Variants in ALCAM observed in about 807,000 individuals in gnomAD.
ALCAM encodes the protein CD166 antigen.
ALCAM carries 30 observed loss-of-function variants against 70.9 expected under a neutral mutation model. The observed-to-expected ratio is 0.42, with a 90% CI of 0.32 to 0.57. The LOEUF (loss-of-function observed/expected upper bound fraction) is 0.57. Ranked by LOEUF, ALCAM falls within the 20% of genes least tolerant of loss-of-function variation. ALCAM has a pLI of 0.11. For missense variants in ALCAM, 591 were observed against 695.1 expected (o/e 0.85, Z 1.68); for synonymous variants, 249 against 242.5 (o/e 1.03, Z -0.25).
rs557228854 is a variant in ALCAM, at chr3:105,416,223, G to T, written c.73+48742G>T. Among the ~76,000 whole-genome samples the T allele has an allele frequency of 2.0e-5, 3 of 152,138 alleles. No homozygotes were observed. In the South Asian group the frequency reaches 6.2e-4, roughly 32 times the overall value. On this transcript the variant is annotated intron_variant, in intron 1 of 15. Transcript: ENST00000306107. ...TTGAAGGATACTTAGTCATTAGGAT[G>T]TCTCTGTAAGACTTTATACCCTTAA... is the stretch of plus-strand genomic sequence containing the variant.
rs867377230 is a variant in ALCAM at position 105,521,117 on chromosome 3, A to C, written c.174+950A>C. 2.6e-4 allele frequency among the ~76,000 whole-genome samples: 40 copies of C among 151,178 alleles called. 1 individual carries two copies. In the Middle Eastern group the frequency reaches 0.014, roughly 51 times the overall value. On this transcript the variant is annotated intron_variant, in intron 2 of 15. Coordinates refer to ENST00000306107, the MANE Select transcript of ALCAM (RefSeq NM_001627.4). Reference sequence around the variant, plus strand: ...GAGATCGAGACCATCCTGGCTAACAAGGTGAAACCCCGTCTCTACTAAAAA... The same window carrying C: ...GAGATCGAGACCATCCTGGCTAACACGGTGAAACCCCGTCTCTACTAAAAA...
intron 1 of ALCAM, among the ~76,000 whole-genome samples, chr3:105,467,728 T>C (rs933181275): frequency 2.0e-5 from 3 of 151,270 alleles, no homozygotes; most frequent in African/African-American, 7.3e-5. Context: ...TAATTTCTGA[T>C]GATTTTCAAA....
intron 1 of ALCAM, among the ~76,000 whole-genome samples, chr3:105,511,559 G>T (rs1310987851): frequency 1.3e-5 from 2 of 151,888 alleles, no homozygotes; most frequent in African/African-American, 4.8e-5. Flanking sequence ...CCCCTCCAGG[G>T]AGCTGTCAAT....
chr3:105,495,075 C>T (rs1425372571), intron 1 of ALCAM, among the ~76,000 whole-genome samples: 1 of 152,176 alleles, frequency 6.6e-6, no homozygotes, highest in African/African-American at 2.4e-5. Flanking sequence ...TCTCTTTGCT[C>T]ATACAGACTG....
chr3:105,451,975 T>C (rs12494392), intron 1 of ALCAM, among the ~76,000 whole-genome samples: 104,741 of 152,016 alleles, frequency 0.69, 36,399 homozygotes, highest in East Asian at 0.92. Context: ...GGGTCTGCAC[T>C]GCAAGTTGTA....
chr3:105,511,814 T>C (rs563462361), intron 1 of ALCAM, among the ~76,000 whole-genome samples: 1 of 151,996 alleles, frequency 6.6e-6, no homozygotes, highest in South Asian at 2.1e-4. Context: ...ATGTGGAATA[T>C]ACCAGAAGCT....
At chr3:105,417,729 CT>C (rs1168981555) in intron 1 of ALCAM, among the ~76,000 whole-genome samples, 1 of 129,074 alleles carries the variant, frequency 7.7e-6, no homozygotes, top group Non-Finnish European at 1.9e-5. Flanking sequence ...TTTACTTCCT[CT>C]TTTTTTTCAT....
At chr3:105,522,838 T>C (rs2152623712) in intron 2 of ALCAM, among the ~76,000 whole-genome samples, 1 of 152,244 alleles carries the variant, frequency 6.6e-6, no homozygotes, top group Non-Finnish European at 1.5e-5. Flanking sequence ...AACCAATTAC[T>C]GCATAGAAAG....
Position 105,507,261 on chromosome 3 carries a change from G to A in ALCAM, c.74-12806G>A, listed in dbSNP as rs553962826. ...GTACATTTGTTGCAATTGGTGAGCC[G>A]ATGTTGATACATTATTATTGACTAT... On this transcript the variant is annotated intron_variant, in intron 1 of 15. Transcript: ENST00000306107. Among the ~76,000 whole-genome samples the A allele has an allele frequency of 4.6e-5, 7 of 152,044 alleles. No homozygotes were observed. The South Asian group carries it at 1.2e-3, about 27-fold the overall frequency.
At chr3:105,508,833 T>C (rs529898655) in intron 1 of ALCAM, among the ~76,000 whole-genome samples, 3 of 144,918 alleles carry the variant, frequency 2.1e-5, no homozygotes, top group Non-Finnish European at 4.6e-5. Context: ...AGTTGTGTCC[T>C]ATACAGTTGT....
intron 1 of ALCAM, among the ~76,000 whole-genome samples, chr3:105,458,954 T>C (rs1259506372): frequency 6.6e-6 from 1 of 152,182 alleles, no homozygotes; most frequent in Non-Finnish European, 1.5e-5. Context: ...TTTCTATAAA[T>C]ACCTAACAAC....
intron 1 of ALCAM, among the ~76,000 whole-genome samples, chr3:105,456,402 T>C (rs552368642): frequency 6.6e-6 from 1 of 152,346 alleles, no homozygotes; most frequent in African/African-American, 2.4e-5. Context: ...TTGACACTAA[T>C]AAGTTAATCA....
At chr3:105,371,113 A>G (rs1237825621) in intron 1 of ALCAM, among the ~76,000 whole-genome samples, 3 of 152,124 alleles carry the variant, frequency 2.0e-5, no homozygotes, top group Non-Finnish European at 4.4e-5. Context: ...AATTCAAACT[A>G]GCTTATCTTT....
rs766029079 is a variant in ALCAM at position 105,547,531 on chromosome 3, T to A, written c.1374+8T>A. ...GGAAGCGTCATAAACCAAGCAAGTA[T>A]TTGTCTTCTTGTTATATGCTGCACT... On this transcript the variant is annotated splice_region_variant and intron_variant, in intron 11 of 15. Coordinates refer to ENST00000306107, the MANE Select transcript of ALCAM (RefSeq NM_001627.4). The A allele has an allele frequency of 2.5e-6, 4 of 1,605,470 alleles. No homozygotes were observed. The Admixed American group carries it at 5.1e-5, about 21-fold the overall frequency.
At chr3:105,540,491 G>A (rs1308820746) in intron 7 of ALCAM, among the ~76,000 whole-genome samples, 1 of 152,020 alleles carries the variant, frequency 6.6e-6, no homozygotes, top group Non-Finnish European at 1.5e-5. Flanking sequence ...ACCCTCAGAA[G>A]TAGGGATAGT....
intron 1 of ALCAM, among the ~76,000 whole-genome samples, chr3:105,427,461 C>T (rs1936818112): frequency 6.6e-6 from 1 of 151,858 alleles, no homozygotes; most frequent in Non-Finnish European, 1.5e-5. Context: ...ACTTCTGGCC[C>T]CCTGTCCCCA....
chr3:105,479,191 TA>T (rs1350926634), intron 1 of ALCAM, among the ~76,000 whole-genome samples: 3 of 152,184 alleles, frequency 2.0e-5, no homozygotes, highest in Non-Finnish European at 4.4e-5. Flanking sequence ...AAAACAAAAT[TA>T]GAAAACATTT....
At chr3:105,422,792 G>A (rs1324043364) in intron 1 of ALCAM, among the ~76,000 whole-genome samples, 2 of 151,356 alleles carry the variant, frequency 1.3e-5, no homozygotes, top group Non-Finnish European at 3.0e-5. Flanking sequence ...AGAGTCAGTG[G>A]GATACAAAAT....
At chr3:105,547,997 G>A (rs1406179891) in intron 11 of ALCAM, among the ~76,000 whole-genome samples, 1 of 151,354 alleles carries the variant, frequency 6.6e-6, no homozygotes, top group Non-Finnish European at 1.5e-5. Context: ...GAAGAACACA[G>A]TTACTGCTTA....
Sources: gnomAD v4.1 joint callset for allele counts (sites outside exome capture counted in the v4.1 genomes callset) on GRCh38, gnomAD v4.1.1 for gene constraint, MANE v1.5 for transcripts, NCBI Gene and HGNC (gene_info 2026-07-23, HGNC 2026-07-21) for gene names.